The following CD96 variants were observed in gnomAD, a reference collection of about 807,000 sequenced individuals.
CD96 encodes CD96 molecule.
A neutral mutation model predicts 71.3 loss-of-function variants in CD96; 70 were observed. That is an observed-to-expected ratio of 0.98 (90% CI 0.81 to 1.20). CD96 has a LOEUF of 1.20. Ranked by LOEUF, CD96 falls within the 50% of genes most tolerant of loss-of-function variation. The probability of loss-of-function intolerance (pLI) is 0.00; values close to 1 mark genes in which losing one functional copy is unlikely to be tolerated. For synonymous variants in CD96, 248 were observed against 233.0 expected, an observed-to-expected ratio of 1.06 and a Z score of -0.59; for missense variants, 742 against 677.5, an observed-to-expected ratio of 1.10 and a Z score of -1.06.
intron 4 of CD96, among the ~76,000 whole-genome samples, chr3:111,582,877 A>G (rs1290800599): frequency 2.0e-5 from 3 of 152,186 alleles, no homozygotes; most frequent in Admixed American, 2.0e-4. Context: ...GTGGGGACAC[A>G]GCCAAACCAT....
intron 2 of CD96, among the ~76,000 whole-genome samples, chr3:111,566,794 G>C (rs1338488317): frequency 2.0e-5 from 3 of 152,100 alleles, no homozygotes; most frequent in Non-Finnish European, 2.9e-5. Flanking sequence ...TCATTCCTTT[G>C]TGGGAGGAAT....
intron 2 of CD96, among the ~76,000 whole-genome samples, chr3:111,560,266 G>T (rs1237032872): frequency 3.3e-5 from 5 of 151,872 alleles, no homozygotes; most frequent in African/African-American, 4.8e-5. Flanking sequence ...GTTAGCTGGT[G>T]ATTTTGCTCG....
intron 5 of CD96, among the ~76,000 whole-genome samples, chr3:111,587,237 G>A (rs912413535): frequency 2.6e-5 from 4 of 152,214 alleles, no homozygotes; most frequent in Admixed American, 2.0e-4. Context: ...CACCCCTGTG[G>A]CTTTGCAGGG....
chr3:111,661,365 T>C (rs1940350938), intron 14 of CD96, among the ~76,000 whole-genome samples: 1 of 152,214 alleles, frequency 6.6e-6, no homozygotes, highest in Non-Finnish European at 1.5e-5. Context: ...CCAAATATCA[T>C]GTCCTTCTCA....
intron 8 of CD96, among the ~76,000 whole-genome samples, chr3:111,620,392 TAGAGATC>T (rs1404090349): frequency 2.6e-5 from 4 of 152,228 alleles, no homozygotes; most frequent in African/African-American, 9.6e-5. Context: ...TGAAGGTTTT[TAGAGATC>T]AGGTCATGGA....
At chr3:111,619,695 T>A (rs1559760643) in intron 8 of CD96, among the ~76,000 whole-genome samples, 1 of 152,228 alleles carries the variant, frequency 6.6e-6, no homozygotes, top group Non-Finnish European at 1.5e-5. Flanking sequence ...ATGATCAATA[T>A]GAATCTTTCA....
chr3:111,575,961 A>G (rs1408019821), intron 3 of CD96, among the ~76,000 whole-genome samples: 1 of 152,202 alleles, frequency 6.6e-6, no homozygotes, highest in East Asian at 1.9e-4. Context: ...AAACCATAGC[A>G]ATGAATCTCC....
intron 2 of CD96, among the ~76,000 whole-genome samples, chr3:111,561,981 TC>T (rs1935455140): frequency 6.6e-6 from 1 of 151,846 alleles, no homozygotes; most frequent in South Asian, 2.1e-4. Context: ...TCCAGGTGCG[TC>T]CGTCACCCCT....
chr3:111,622,224 C>G (rs989229592), intron 8 of CD96, among the ~76,000 whole-genome samples: 2 of 152,160 alleles, frequency 1.3e-5, no homozygotes, highest in Non-Finnish European at 2.9e-5. Context: ...TACCTTAGAT[C>G]AACTTTCTTC....
chr3:111,612,793 C>T (rs1018103243), intron 8 of CD96: 1 of 853,116 alleles, frequency 1.2e-6, no homozygotes, highest in African/African-American at 1.8e-5. Flanking sequence ...AACATGACAC[C>T]TATGCTTATA....
chr3:111,560,171 G>A (rs1409568523), intron 2 of CD96, among the ~76,000 whole-genome samples: 3 of 151,590 alleles, frequency 2.0e-5, no homozygotes, highest in Non-Finnish European at 4.4e-5. Context: ...CAATTTGCCA[G>A]TCTGTGTCTT....
At chr3:111,610,620 C>A (rs886646582) in intron 8 of CD96, among the ~76,000 whole-genome samples, 2 of 152,280 alleles carry the variant, frequency 1.3e-5, no homozygotes, top group African/African-American at 4.8e-5. Flanking sequence ...TCCAGGGAAG[C>A]CCAGCTCAAT....
Position 111,650,399 on chromosome 3 carries a change from A to G in CD96, c.*593A>G, listed in dbSNP as rs1940022520. The G allele has an allele frequency of 6.1e-6, 1 of 162,896 alleles. No homozygotes were observed. The highest frequency in any genetic ancestry group is 1.4e-5 in the Non-Finnish European group (1 of 73,478). The allele number at this position is 162,896 out of a possible 1,614,324, so 10.1% of individuals were successfully genotyped here. A position where few individuals can be genotyped will look rare whatever the true frequency, so the allele number is the denominator to read the frequency against. On this transcript the variant is annotated 3_prime_UTR_variant, in exon 14 of 14. Transcript: ENST00000352690. ...AATCCTCCTTCACTGTCTTCCTACC[A>G]TGTTCAGCCCAGACTCCTGCCACAT... is the stretch of plus-strand genomic sequence containing the variant.
At chr3:111,574,201 C>T (rs1404896757) in intron 3 of CD96, among the ~76,000 whole-genome samples, 1 of 152,172 alleles carries the variant, frequency 6.6e-6, no homozygotes, top group Non-Finnish European at 1.5e-5. Context: ...TCAAGGAGCT[C>T]AGGATAGCTC....
chr3:111,563,054 G>T (rs1935535625), intron 2 of CD96, among the ~76,000 whole-genome samples: 1 of 152,226 alleles, frequency 6.6e-6, no homozygotes, highest in African/African-American at 2.4e-5. Context: ...GAAATGCCAT[G>T]TCCTCACATG....
chr3:111,608,078 G>T (rs755194701), intron 8 of CD96, among the ~76,000 whole-genome samples: 22 of 141,862 alleles, frequency 1.6e-4, no homozygotes, highest in Non-Finnish European at 3.1e-4. Flanking sequence ...TGCTAACCTG[G>T]GTTCTTTCAT....
chr3:111,647,145 CAAAAT>C (rs1939868010), intron 12 of CD96, among the ~76,000 whole-genome samples: 1 of 134,848 alleles, frequency 7.4e-6, no homozygotes, highest in African/African-American at 2.8e-5. Flanking sequence ...ACCTGGGTGA[CAAAAT>C]AATCTGTACA....
intron 3 of CD96, among the ~76,000 whole-genome samples, chr3:111,573,459 A>C (rs1478348562): frequency 6.6e-6 from 1 of 152,204 alleles, no homozygotes. Flanking sequence ...TTCTTAGAAA[A>C]GGTTATATCT....
At position 111,649,714 on chromosome 3, in the gene CD96, C is replaced by T. The variant is rs1939992902; in HGVS notation, c.1618C>T (p.Pro540Ser). Residue 540 changes from proline (P) to serine (S), a missense_variant, in exon 14 of 14, where the codon CCT becomes TCT. By Grantham distance (74) the Pro-to-Ser change is moderately conservative (BLOSUM62 -1). Coordinates refer to ENST00000352690, the MANE Select transcript of CD96 (RefSeq NM_005816.5). Reference protein sequence around the residue: ...YQKEIMERPPPFKPPPPPIKY... With the variant: ...YQKEIMERPPSFKPPPPPIKY... ...TGTTCCTAGAATGGAAAGACCTCCA[C>T]CTTTCAAGCCACCACCACCTCCCAT... is the stretch of plus-strand genomic sequence containing the variant. The T allele has an allele frequency of 6.2e-7, 1 of 1,613,004 alleles. No individual in the cohort carries two copies. The highest frequency in any genetic ancestry group is 1.3e-5 in the African/African-American group (1 of 75,048).
Sources: allele counts gnomAD v4.1 joint callset (sites outside exome capture counted in the v4.1 genomes callset), GRCh38; gene constraint gnomAD v4.1.1; transcripts MANE v1.5; gene names NCBI Gene and HGNC (gene_info 2026-07-23, HGNC 2026-07-21).